Variants in FOXP1 observed in about 807,000 individuals in gnomAD.
The protein encoded by FOXP1 is forkhead box P1, also known as forkhead box protein P1.
In FOXP1, 15 loss-of-function variants were observed where a neutral mutation model predicts 98.2. The ratio of observed to expected loss-of-function variants is 0.15; its 90% CI spans 0.10 to 0.24. FOXP1 has a LOEUF of 0.24. Ranked by LOEUF, FOXP1 falls within the 10% of genes least tolerant of loss-of-function variation. The probability of loss-of-function intolerance (pLI) is 1.00; values close to 1 mark genes in which losing one functional copy is unlikely to be tolerated. For missense variants in FOXP1, 633 were observed against 848.5 expected, an observed-to-expected ratio of 0.75 and a Z score of 3.15; for synonymous variants, 371 against 314.5, an observed-to-expected ratio of 1.18 and a Z score of -1.90.
chr3:70,958,873 C>A lies in FOXP1; in HGVS notation c.*374G>T. Reference sequence around the variant, plus strand: ...TTGGTCTGCAGCTTAGGTGCACAAGCTCTGTCGGGCGTCCTCAGTGTCCAA... The same window carrying A: ...TTGGTCTGCAGCTTAGGTGCACAAGATCTGTCGGGCGTCCTCAGTGTCCAA... On this transcript the variant is annotated 3_prime_UTR_variant, in exon 21 of 21. Coordinates refer to ENST00000649528, the MANE Select transcript of FOXP1 (RefSeq NM_001349338.3). The A allele has an allele frequency of 2.5e-6, 1 of 402,280 alleles. No homozygotes were observed. 24.9% of individuals were successfully genotyped at this position (402,280 alleles called of 1,614,324 possible). A position where few individuals can be genotyped will look rare whatever the true frequency, so the allele number is the denominator to read the frequency against.
intron 3 of FOXP1, among the ~76,000 whole-genome samples, chr3:71,374,767 A>G (rs183276568): frequency 3.2e-4 from 49 of 152,294 alleles, no homozygotes; most frequent in African/African-American, 1.2e-3. Context: ...CTACTTGCCA[A>G]TTTTAAAGAG....
chr3:71,581,261 G>C (rs2048142505), intron 2 of FOXP1: 1 of 985,266 alleles, frequency 1.0e-6, no homozygotes, highest in African/African-American at 1.7e-5. Context: ...GGGGTGAGAA[G>C]GGGGGCGAGG....
intron 5 of FOXP1, among the ~76,000 whole-genome samples, chr3:71,201,370 G>A (rs1576355559): frequency 6.6e-6 from 1 of 152,218 alleles, no homozygotes; most frequent in Admixed American, 6.5e-5. Flanking sequence ...AAAGAGCCGG[G>A]TGCAGTGGCT....
At chr3:71,348,230 G>A (rs1328275372) in intron 4 of FOXP1, among the ~76,000 whole-genome samples, 1 of 151,810 alleles carries the variant, frequency 6.6e-6, no homozygotes, top group African/African-American at 2.4e-5. Context: ...GGAAACTACT[G>A]TATTTTCTCT....
chr3:71,375,562 T>C (rs1191809027), intron 3 of FOXP1, among the ~76,000 whole-genome samples: 1 of 152,148 alleles, frequency 6.6e-6, no homozygotes, highest in East Asian at 1.9e-4. Flanking sequence ...CATCCTGAAA[T>C]TAAGTCCTAA....
At chr3:71,109,069 A>G (rs1471918308) in intron 7 of FOXP1, among the ~76,000 whole-genome samples, 1 of 152,246 alleles carries the variant, frequency 6.6e-6, no homozygotes, top group Non-Finnish European at 1.5e-5. Flanking sequence ...AATTTTGGTT[A>G]CTAAGTAGAA....
rs528571553 is a variant in FOXP1, at chr3:71,105,541, CTT to C, written c.282+6993_282+6994del. 2.7e-3 allele frequency among the ~76,000 whole-genome samples: 418 copies of C among 152,266 alleles called. 2 individuals carry two copies. The highest frequency in any genetic ancestry group is 4.8e-3 in the Non-Finnish European group (325 of 68,012). On this transcript the variant is annotated intron_variant, in intron 7 of 20. Transcript: ENST00000649528. ...CACAAGGTAAAATGGCAGGAGCACT[CTT>C]AATTACATGTGTCATTTTGTCAGCA... is the stretch of plus-strand genomic sequence containing the variant.
At chr3:71,357,874 C>T (rs778643749) in intron 4 of FOXP1, among the ~76,000 whole-genome samples, 1 of 152,074 alleles carries the variant, frequency 6.6e-6, no homozygotes, top group Non-Finnish European at 1.5e-5. Flanking sequence ...ACTTATATCT[C>T]TCTTACTAGA....
rs559697176 is a variant in FOXP1 at position 70,988,246 on chromosome 3, G to A, written c.1063-169C>T. Among the ~76,000 whole-genome samples the A allele has an allele frequency of 3.3e-5, 5 of 152,334 alleles. No homozygotes were observed. In the East Asian group the frequency reaches 5.8e-4, roughly 18 times the overall value. ...GACCATTGCCAAACTCGAAGTAACC[G>A]GAGGTGTTGGTGTGAGATTTCTCAA... On this transcript the variant is annotated intron_variant, in intron 13 of 20. Transcript: ENST00000649528.
chr3:71,542,846 C>T (rs1239675663), intron 2 of FOXP1, among the ~76,000 whole-genome samples: 1 of 152,234 alleles, frequency 6.6e-6, no homozygotes, highest in Non-Finnish European at 1.5e-5. Flanking sequence ...ACACTTCCTG[C>T]ATCCAGCTTG....
intron 14 of FOXP1, 22 bp downstream of exon 14, chr3:70,987,972 C>G (rs776968848): frequency 6.2e-7 from 1 of 1,611,394 alleles, no homozygotes; most frequent in African/African-American, 1.3e-5. Flanking sequence ...TTTTTTTCCC[C>G]TTGGTGGGGA....
intron 3 of FOXP1, among the ~76,000 whole-genome samples, chr3:71,491,987 G>C (rs552310056): frequency 1.6e-4 from 24 of 152,130 alleles, no homozygotes; most frequent in Non-Finnish European, 2.8e-4. Context: ...ACTGAATGAT[G>C]ACCAAATAGC....
At chr3:71,194,622 G>GT (rs1410833900) in intron 6 of FOXP1, among the ~76,000 whole-genome samples, 1 of 151,852 alleles carries the variant, frequency 6.6e-6, no homozygotes, top group Non-Finnish European at 1.5e-5. Flanking sequence ...ATTGCTAATA[G>GT]TATTTGTTGC....
intron 6 of FOXP1, among the ~76,000 whole-genome samples, chr3:71,161,239 A>C (rs990692766): frequency 6.6e-6 from 1 of 152,150 alleles, no homozygotes; most frequent in Non-Finnish European, 1.5e-5. Context: ...GTTTTTTCTC[A>C]AAATTCTGGG....
intron 5 of FOXP1, among the ~76,000 whole-genome samples, chr3:71,286,886 C>T (rs2072201953): frequency 6.6e-6 from 1 of 152,148 alleles, no homozygotes; most frequent in Non-Finnish European, 1.5e-5. Flanking sequence ...AGGTGATTAT[C>T]TAAAATCACA....
intron 5 of FOXP1, among the ~76,000 whole-genome samples, chr3:71,235,464 T>G (rs1345433359): frequency 6.6e-6 from 1 of 152,220 alleles, no homozygotes; most frequent in East Asian, 1.9e-4. Context: ...CTTACCTGCC[T>G]TTATGTAGTC....
At chr3:71,064,898 G>C (rs2052186514) in intron 7 of FOXP1, 2 of 767,472 alleles carry the variant, frequency 2.6e-6, no homozygotes, top group South Asian at 5.9e-5. Context: ...CGTGGGGTCC[G>C]GCGGCCTCGG....
chr3:70,971,837 C>T (rs879270973), intron 18 of FOXP1: 2 of 441,472 alleles, frequency 4.5e-6, no homozygotes, highest in Admixed American at 8.4e-5. Flanking sequence ...ATTCAAGGCA[C>T]TGGTGTTCCA....
chr3:71,164,361 G>A (rs1226837167), intron 6 of FOXP1, among the ~76,000 whole-genome samples: 5 of 151,992 alleles, frequency 3.3e-5, no homozygotes, highest in African/African-American at 9.7e-5. Context: ...CACCACGCCC[G>A]GAGAATTTTT....
Sources: gnomAD v4.1 joint callset for allele counts (sites outside exome capture counted in the v4.1 genomes callset) on GRCh38, gnomAD v4.1.1 for gene constraint, MANE v1.5 for transcripts, NCBI Gene and HGNC (gene_info 2026-07-23, HGNC 2026-07-21) for gene names.